Variants in GPC3 observed in about 807,000 individuals in gnomAD.
GPC3 encodes the protein glypican 3, also known as glypican-3.
GPC3 carries 3 observed loss-of-function variants against 34.4 expected under a neutral mutation model. The ratio of observed to expected loss-of-function variants is 0.09; its 90% CI spans 0.04 to 0.23. The LOEUF (loss-of-function observed/expected upper bound fraction) is 0.23, where lower values mean the gene tolerates loss of function less well. GPC3 is among the 10% of genes least tolerant of loss of function. GPC3 has a pLI of 1.00. For synonymous variants in GPC3, 177 were observed against 174.0 expected (o/e 1.02, Z -0.13); for missense variants, 351 against 445.6 (o/e 0.79, Z 1.91).
At chrX:133,616,930 C>T (rs147663904) in intron 6 of GPC3, among the ~76,000 whole-genome samples, 1 of 110,125 alleles carries the variant, frequency 9.1e-6, no homozygotes, top group South Asian at 4.0e-4. Context: ...GATCTCCTGA[C>T]CTCGTGATCC....
At chrX:133,870,672 CTCCT>C (rs1226719273) in intron 2 of GPC3, among the ~76,000 whole-genome samples, 1 of 110,837 alleles carries the variant, frequency 9.0e-6, no homozygotes, top group Non-Finnish European at 1.9e-5. Context: ...CACTTGATCT[CTCCT>C]TCCTTCCTGT....
intron 6 of GPC3, among the ~76,000 whole-genome samples, chrX:133,621,597 C>G (rs374092903): frequency 8.9e-6 from 1 of 111,971 alleles, no homozygotes; most frequent in East Asian, 2.8e-4. Flanking sequence ...GGCAATGAGG[C>G]TGGGGGAGGG....
chrX:133,785,303 T>C (rs1423510285), intron 2 of GPC3, among the ~76,000 whole-genome samples: 1 of 111,070 alleles, frequency 9.0e-6, no homozygotes, highest in Non-Finnish European at 1.9e-5. Context: ...TATACCTGAG[T>C]AGACTAGAGT....
chrX:133,787,442 ACTT>A (rs1360105936), intron 2 of GPC3, among the ~76,000 whole-genome samples: 1 of 112,379 alleles, frequency 8.9e-6, no homozygotes, highest in Non-Finnish European at 1.9e-5. Context: ...GAAGGTCTTT[ACTT>A]CTTCTAGCAA....
chrX:133,662,839 C>T (rs1022788243), intron 5 of GPC3, among the ~76,000 whole-genome samples: 1 of 110,373 alleles, frequency 9.1e-6, no homozygotes, highest in Non-Finnish European at 1.9e-5. Context: ...AAAAGATTCC[C>T]AGGGCTTTTG....
intron 6 of GPC3, among the ~76,000 whole-genome samples, chrX:133,625,085 C>T (rs774906435): frequency 1.9e-4 from 21 of 111,556 alleles, no homozygotes; most frequent in Middle Eastern, 4.7e-3. Flanking sequence ...TCTCAATAGA[C>T]GCAGAAAAGG....
At chrX:133,686,803 A>T (rs2071008788) in intron 5 of GPC3, among the ~76,000 whole-genome samples, 1 of 107,921 alleles carries the variant, frequency 9.3e-6, no homozygotes, top group Non-Finnish European at 1.9e-5. Context: ...ACACACACAC[A>T]CTTGCGCCTG....
chrX:133,891,556 C>G (rs1002771776), intron 2 of GPC3, among the ~76,000 whole-genome samples: 18 of 109,744 alleles, frequency 1.6e-4, no homozygotes, highest in East Asian at 8.5e-4. Context: ...ACTGCCTGAG[C>G]CAGGAGTTCA....
intron 2 of GPC3, among the ~76,000 whole-genome samples, chrX:133,875,781 A>G (rs1440334866): frequency 9.0e-6 from 1 of 111,249 alleles, no homozygotes; most frequent in Non-Finnish European, 1.9e-5. Context: ...TGCTCAATAA[A>G]TACCTGTGGA....
In GPC3 at chrX:133,648,514, T is replaced by C. The variant is rs746074050; in HGVS notation, c.1413+13216A>G. 3.6e-5 allele frequency among the ~76,000 whole-genome samples: 4 copies of C among 111,919 alleles called. No individual in the cohort carries two copies. In the South Asian group the frequency reaches 1.1e-3, roughly 32 times the overall value. On this transcript the variant is annotated intron_variant, in intron 6 of 7. Coordinates refer to ENST00000370818, the MANE Select transcript of GPC3 (RefSeq NM_004484.4). ...CTCCTTGCCTCCAATTTCTGATCTT[T>C]AAAACATCCTTCACGCTGCTGGCAG... is the stretch of plus-strand genomic sequence containing the variant.
intron 1 of GPC3, among the ~76,000 whole-genome samples, chrX:133,983,344 C>T (rs1602579641): frequency 8.9e-6 from 1 of 112,527 alleles, no homozygotes; most frequent in South Asian, 3.7e-4. Context: ...AGTCCCTCTT[C>T]TCTATAAGTG....
chrX:133,908,684 G>A (rs1428670616), intron 2 of GPC3, among the ~76,000 whole-genome samples: 1 of 110,441 alleles, frequency 9.1e-6, no homozygotes, highest in Non-Finnish European at 1.9e-5. Flanking sequence ...TCCAGATGTG[G>A]TCTGAGCAGC....
intron 2 of GPC3, among the ~76,000 whole-genome samples, chrX:133,776,877 TC>T: frequency 1.6e-5 from 1 of 63,534 alleles, no homozygotes; most frequent in South Asian, 7.8e-4. Flanking sequence ...TCCTTTCTTT[TC>T]TTTTTTTTTT....
chrX:133,579,545 T>C (rs907030337), intron 7 of GPC3, among the ~76,000 whole-genome samples: 5 of 112,431 alleles, frequency 4.4e-5, no homozygotes, highest in African/African-American at 1.3e-4. Flanking sequence ...TTTTCATTTT[T>C]ATTTTTATTT....
At chrX:133,829,889 G>C (rs2075767033) in intron 2 of GPC3, among the ~76,000 whole-genome samples, 1 of 111,468 alleles carries the variant, frequency 9.0e-6, no homozygotes, top group African/African-American at 3.3e-5. Context: ...TAATGACAGA[G>C]CTTCAAAATT....
chrX:133,709,015 T>C (rs943842358), intron 3 of GPC3, among the ~76,000 whole-genome samples: 2 of 112,213 alleles, frequency 1.8e-5, no homozygotes, highest in African/African-American at 6.5e-5. Flanking sequence ...TTTAGTTACT[T>C]CAATTTTTTA....
intron 5 of GPC3, among the ~76,000 whole-genome samples, chrX:133,683,334 T>C (rs1237748204): frequency 8.9e-6 from 1 of 112,339 alleles, no homozygotes; most frequent in Non-Finnish European, 1.9e-5. Flanking sequence ...TCTTCCTGGT[T>C]CCATCTCCTA....
chrX:133,676,476 G>T (rs2070885249), intron 5 of GPC3, among the ~76,000 whole-genome samples: 1 of 112,211 alleles, frequency 8.9e-6, no homozygotes, highest in Non-Finnish European at 1.9e-5. Context: ...CTCTCAAGTT[G>T]CCAGCAATAA....
At chrX:133,638,169 G>A (rs1050395097) in intron 6 of GPC3, among the ~76,000 whole-genome samples, 4 of 111,824 alleles carry the variant, frequency 3.6e-5, no homozygotes, top group African/African-American at 1.3e-4. Context: ...AGCAAAGAAT[G>A]AATTTGGCTT....
Sources: allele counts gnomAD v4.1 joint callset (sites outside exome capture counted in the v4.1 genomes callset), GRCh38; gene constraint gnomAD v4.1.1; transcripts MANE v1.5; gene names NCBI Gene and HGNC (gene_info 2026-07-23, HGNC 2026-07-21).